The following DCAF4 variants were observed in gnomAD, a reference collection of about 807,000 sequenced individuals.
DCAF4 encodes DDB1- and CUL4-associated factor 4.
DCAF4 carries 37 observed loss-of-function variants against 60.9 expected under a neutral mutation model. The observed-to-expected ratio is 0.61, with a 90% CI of 0.47 to 0.80. The LOEUF is 0.80. Ranked by LOEUF, DCAF4 falls within the 30% of genes least tolerant of loss-of-function variation. The pLI is 0.00. For synonymous variants in DCAF4, 243 were observed against 254.8 expected, an observed-to-expected ratio of 0.95 and a Z score of 0.44; for missense variants, 577 against 650.0, an observed-to-expected ratio of 0.89 and a Z score of 1.22.
chr14:72,945,806 A>G, intron 6 of DCAF4, 78 bp from the exon 7 acceptor site: 1 of 1,579,408 alleles, frequency 6.3e-7, no homozygotes, highest in Non-Finnish European at 8.6e-7. Context: ...GGGGGCCAGG[A>G]GAGACGGGCA....
intron 13 of DCAF4, 32 bp downstream of exon 13, chr14:72,956,532 C>T: frequency 1.3e-6 from 2 of 1,578,316 alleles, no homozygotes; most frequent in Non-Finnish European, 1.7e-6. Context: ...AGTTCCACCC[C>T]ATCAAATACT....
chr14:72,942,467 T>C (rs1890170578), intron 5 of DCAF4: 1 of 155,912 alleles, frequency 6.4e-6, no homozygotes. Flanking sequence ...CCTCGGACCT[T>C]GGAGCAGGGC....
At chr14:72,952,691 CTTTTT>C (rs1215172512) in intron 9 of DCAF4, among the ~76,000 whole-genome samples, 1 of 105,190 alleles carries the variant, frequency 9.5e-6, no homozygotes, top group Non-Finnish European at 1.9e-5. Context: ...CTTGTCTTGT[CTTTTT>C]TTTTTTTTTT....
In DCAF4 at chr14:72,940,294, C is replaced by T; in HGVS notation, c.268C>T (p.Pro90Ser). 1.2e-6 allele frequency: 2 copies of T among 1,614,140 alleles called. No individual in the cohort carries two copies. The highest frequency in any genetic ancestry group is 1.6e-4 in the Middle Eastern group (1 of 6,062). The change falls in exon 4 of 14, where the codon CCC (proline) becomes TCC (serine). Residue 90 changes from proline (P) to serine (S), a missense_variant. Transcript: ENST00000358377. The part of the protein sequence containing the change: ...RLLPGHNNCN[P>S]LTKESIRQKE... The stretch of plus-strand genomic sequence containing the variant: ...GCTCCCTGGACATAACAACTGCAAC[C>T]CCCTGACGAAAGAGAGCATCCGGCA...
At chr14:72,960,592 A>AT (rs1892782488), downstream of DCAF4, 5 of 1,054,370 alleles carry the variant, frequency 4.7e-6, no homozygotes, top group Non-Finnish European at 5.8e-6. Context: ...TCTTTCCCAC[A>AT]TTCAGGATCA....
At chr14:72,954,608 G>T in intron 11 of DCAF4, 125 bp downstream of exon 11, 1 of 893,766 alleles carries the variant, frequency 1.1e-6, no homozygotes, top group Non-Finnish European at 1.7e-6. Context: ...GCATCAGAAA[G>T]GATCAGTGGG....
chr14:72,937,853 A>G (rs1889494913), intron 1 of DCAF4, 118 bp from the exon 2 acceptor site: 1 of 1,386,382 alleles, frequency 7.2e-7, no homozygotes, highest in African/African-American at 1.5e-5. Context: ...ATCTGATGAT[A>G]ACCCAGGGTG....
intron 6 of DCAF4, among the ~76,000 whole-genome samples, chr14:72,943,398 G>A (rs766719236): frequency 1.3e-5 from 2 of 152,144 alleles, no homozygotes; most frequent in Admixed American, 6.6e-5. Flanking sequence ...CTCCTTGGCT[G>A]TGTTGTATAT....
rs1890774733 is a variant in DCAF4 at position 72,946,628 on chromosome 14, T to C, written c.679-514T>C. Among the ~76,000 whole-genome samples the C allele has an allele frequency of 2.0e-5, 3 of 152,144 alleles. No homozygotes were observed. In the East Asian group the frequency reaches 5.8e-4, roughly 29 times the overall value. ...GAAATGGGCGACAGTGACTGTGGCC[T>C]GCATGGGAGGGGTCCTGCCCTGTGT... On this transcript the variant is annotated intron_variant, in intron 7 of 13. Transcript: ENST00000358377.
intron 9 of DCAF4, among the ~76,000 whole-genome samples, chr14:72,953,732 A>AAATATATAT (rs1555527852): frequency 9.2e-5 from 2 of 21,778 alleles, no homozygotes; most frequent in African/African-American, 4.7e-4. Context: ...AAAAAAAAAA[A>AAATATATAT]ATATATATAT....
At chr14:72,961,383 T>C (rs755197024), downstream of DCAF4, among the ~76,000 whole-genome samples, 4 of 152,182 alleles carry the variant, frequency 2.6e-5, no homozygotes, top group Non-Finnish European at 5.9e-5. Context: ...AGAGATACTT[T>C]TCTAACAGGG....
Position 72,943,062 on chromosome 14 carries a change from C to T in DCAF4, c.500C>T (p.Ser167Phe). The change falls in exon 6 of 14, where the codon TCC (serine) becomes TTC (phenylalanine). Residue 167 changes from serine (S) to phenylalanine (F), a missense_variant. Coordinates refer to ENST00000358377, the MANE Select transcript of DCAF4 (RefSeq NM_015604.4). ...KKVQIRSMDP[S>F]ALASDRFNLI... is the part of the protein sequence containing the mutation. Reference sequence around the variant, plus strand: ...GTCCAGATTCGAAGCATGGATCCCTCCGCCTTGGCAAGCGACCGATTTAAC... The same window carrying T: ...GTCCAGATTCGAAGCATGGATCCCTTCGCCTTGGCAAGCGACCGATTTAAC... 1.9e-6 allele frequency: 3 copies of T among 1,614,200 alleles called. No homozygotes were observed. Among genetic ancestry groups the T allele is most frequent in the Non-Finnish European group, 2.5e-6 (3 of 1,180,022 alleles).
At chr14:72,953,194 T>G (rs1253548395) in intron 9 of DCAF4, among the ~76,000 whole-genome samples, 1 of 149,968 alleles carries the variant, frequency 6.7e-6, no homozygotes, top group Non-Finnish European at 1.5e-5. Context: ...AGAGATGGGA[T>G]TCTCCATGTT....
chr14:72,957,174 T>A (rs1350263629), intron 13 of DCAF4: 1 of 152,534 alleles, frequency 6.6e-6, no homozygotes, highest in East Asian at 1.9e-4. Flanking sequence ...ATCACGCCAC[T>A]GCACTCCAGC....
In DCAF4 at chr14:72,959,020, T is replaced by C; in HGVS notation, c.*215T>C. On this transcript the variant is annotated 3_prime_UTR_variant, in exon 14 of 14. Coordinates refer to ENST00000358377, the MANE Select transcript of DCAF4 (RefSeq NM_015604.4). ...GGCTGAGAGAGCTTGGAAGTCCTTT[T>C]CATAAAAGGTACCTCTTTCCTTTTC... 8.1e-7 allele frequency: 1 copy of C among 1,241,542 alleles called. No individual in the cohort carries two copies. Among genetic ancestry groups the C allele is most frequent in the Non-Finnish European group, 1.0e-6 (1 of 992,906 alleles). The allele number at this position is 1,241,542 out of a possible 1,614,324, so 76.9% of individuals were successfully genotyped here. A position where few individuals can be genotyped will look rare whatever the true frequency, so the allele number is the denominator to read the frequency against.
At chr14:72,951,212 C>A (rs1353919520) in intron 8 of DCAF4, among the ~76,000 whole-genome samples, 1 of 152,086 alleles carries the variant, frequency 6.6e-6, no homozygotes, top group Non-Finnish European at 1.5e-5. Flanking sequence ...AACTCCTGGA[C>A]TCGAGTGATC....
intron 12 of DCAF4, 96 bp from the exon 13 acceptor site, chr14:72,956,290 C>A: frequency 1.2e-6 from 1 of 841,268 alleles, no homozygotes. Flanking sequence ...CCTGCACAGG[C>A]CACTGGAGAC....
intron 9 of DCAF4, among the ~76,000 whole-genome samples, chr14:72,952,992 CTTTTTTT>C (rs34917327): frequency 1.9e-3 from 81 of 41,596 alleles, no homozygotes; most frequent in Admixed American, 3.0e-3. Flanking sequence ...AATGCCCGGC[CTTTTTTT>C]TTTTTTTTTT....
At chr14:72,934,127 C>T (rs1726525469) in intron 1 of DCAF4, among the ~76,000 whole-genome samples, 1 of 151,480 alleles carries the variant, frequency 6.6e-6, no homozygotes, top group Admixed American at 6.6e-5. Context: ...CTGCAGGCCC[C>T]CCGCCCCCAC....
Sources: gnomAD v4.1 joint callset for allele counts (sites outside exome capture counted in the v4.1 genomes callset) on GRCh38, gnomAD v4.1.1 for gene constraint, MANE v1.5 for transcripts, NCBI Gene and HGNC (gene_info 2026-07-23, HGNC 2026-07-21) for gene names.